The following MTRF1 variants were observed in gnomAD, a reference collection of about 807,000 sequenced individuals.
The protein encoded by MTRF1 is peptide chain release factor 1, mitochondrial.
In MTRF1, 51 loss-of-function variants were observed where a neutral mutation model predicts 62.9. That is an observed-to-expected ratio of 0.81 (90% CI 0.65 to 1.02). The LOEUF (loss-of-function observed/expected upper bound fraction) is 1.02, where lower values mean the gene tolerates loss of function less well. Among genes scored for constraint, MTRF1 ranks in the 50% least tolerant of loss-of-function variants. The pLI is 0.00. For synonymous variants in MTRF1, 158 were observed against 181.9 expected (o/e 0.87, Z 1.06); for missense variants, 446 against 530.0 (o/e 0.84, Z 1.56).
chr13:41,234,727 T>C (rs1488923822), intron 6 of MTRF1, among the ~76,000 whole-genome samples: 1 of 152,230 alleles, frequency 6.6e-6, no homozygotes, highest in Admixed American at 6.5e-5. Context: ...CCACAGTCAT[T>C]TGCAGACATG....
At chr13:41,311,595 A>G in the MTRF1 span, 2 of 1,601,912 alleles carry the variant, frequency 1.2e-6, no homozygotes, top group African/African-American at 1.3e-5. Context: ...GAGTGGCCGT[A>G]GGCCGCGCTG....
intron 6 of MTRF1, among the ~76,000 whole-genome samples, chr13:41,239,096 C>A (rs2037127155): frequency 6.6e-6 from 1 of 151,112 alleles, no homozygotes; most frequent in Non-Finnish European, 1.5e-5. Context: ...TGACAGGATC[C>A]TGGATAAAAA....
At chr13:41,217,931 T>C (rs2032240673) in intron 9 of MTRF1, among the ~76,000 whole-genome samples, 1 of 152,256 alleles carries the variant, frequency 6.6e-6, no homozygotes, top group African/African-American at 2.4e-5. Flanking sequence ...CCTGTGTAAC[T>C]GAAAAATATT....
At chr13:41,257,225 G>T (rs1349540622) in intron 2 of MTRF1, among the ~76,000 whole-genome samples, 1 of 152,174 alleles carries the variant, frequency 6.6e-6, no homozygotes, top group Non-Finnish European at 1.5e-5. Flanking sequence ...ATCTGCAGGG[G>T]CTTTTAAATA....
At chr13:41,244,632 T>C (rs954267673) in intron 5 of MTRF1, among the ~76,000 whole-genome samples, 7 of 152,172 alleles carry the variant, frequency 4.6e-5, no homozygotes. Flanking sequence ...GGTTAGATTA[T>C]AAAGAACCAT....
chr13:41,289,418 A>G, the MTRF1 span, among the ~76,000 whole-genome samples: 1 of 151,982 alleles, frequency 6.6e-6, no homozygotes, highest in Non-Finnish European at 1.5e-5. Flanking sequence ...TTGTATTTTT[A>G]GTAGAGATGG....
At chr13:41,311,248 G>T in the MTRF1 span, 42 of 522,344 alleles carry the variant, frequency 8.0e-5, no homozygotes, top group Non-Finnish European at 1.2e-4. Flanking sequence ...CTCGGGAGGC[G>T]GACCCTGGCT....
chr13:41,300,786 G>GT, the MTRF1 span, among the ~76,000 whole-genome samples: 2 of 152,160 alleles, frequency 1.3e-5, no homozygotes, highest in East Asian at 3.8e-4. Flanking sequence ...ACATTAAAAT[G>GT]ACATAAGTTA....
chr13:41,259,378 C>A (rs967930225), intron 2 of MTRF1, among the ~76,000 whole-genome samples: 5 of 152,156 alleles, frequency 3.3e-5, no homozygotes, highest in Non-Finnish European at 7.3e-5. Flanking sequence ...TATATCCATA[C>A]AATGGAATAT....
the MTRF1 span, among the ~76,000 whole-genome samples, chr13:41,307,912 A>G: frequency 6.6e-6 from 1 of 152,198 alleles, no homozygotes; most frequent in Non-Finnish European, 1.5e-5. Context: ...AGTATTTATA[A>G]CTATATATAA....
rs182707846 is a variant in MTRF1, at chr13:41,240,827, A to G, written c.698-394T>C. On this transcript the variant is annotated intron_variant, in intron 5 of 9. Coordinates refer to ENST00000379480, the MANE Select transcript of MTRF1 (RefSeq NM_004294.4). ...GGGAAAACTACTATTAGAACAAAAAAATAATACTGGGATGTTTTCTGTATT... is the reference window on the plus strand; with the variant it reads ...GGGAAAACTACTATTAGAACAAAAAGATAATACTGGGATGTTTTCTGTATT... Among the ~76,000 whole-genome samples, 234 of 152,310 alleles carry G rather than the reference A, an allele frequency of 1.5e-3. 1 individual carries two copies. Among genetic ancestry groups the G allele is most frequent in the Non-Finnish European group, 2.1e-3 (145 of 68,024 alleles).
chr13:41,219,164 G>T (rs1425039439), intron 9 of MTRF1, among the ~76,000 whole-genome samples: 1 of 149,360 alleles, frequency 6.7e-6, no homozygotes, highest in Non-Finnish European at 1.5e-5. Flanking sequence ...GGTGGTGTGT[G>T]CCTGTAGTCC....
chr13:41,301,133 A>C, the MTRF1 span, among the ~76,000 whole-genome samples: 2 of 152,226 alleles, frequency 1.3e-5, no homozygotes, highest in African/African-American at 4.8e-5. Flanking sequence ...GTAATTGAGA[A>C]GAGAAAGGAG....
At chr13:41,305,650 C>T in the MTRF1 span, among the ~76,000 whole-genome samples, 2 of 152,174 alleles carry the variant, frequency 1.3e-5, no homozygotes, top group East Asian at 1.9e-4. Flanking sequence ...TGCATTAGGG[C>T]ATTTGCCTGT....
intron 3 of MTRF1, 77 bp downstream of exon 3, chr13:41,254,452 G>A (rs765633256): frequency 1.5e-5 from 15 of 979,070 alleles, no homozygotes; most frequent in Non-Finnish European, 1.9e-5. Flanking sequence ...ACCACTATGA[G>A]CACCGAAGCA....
intron 9 of MTRF1, chr13:41,220,552 A>G (rs1222137289): frequency 7.0e-6 from 9 of 1,281,004 alleles, no homozygotes; most frequent in African/African-American, 1.5e-5. Context: ...AGAAGAAGTC[A>G]TAATGAGAAT....
Position 41,240,395 on chromosome 13 carries a change from C to T in MTRF1, c.736G>A (p.Gly246Ser), listed in dbSNP as rs150939191. Residue 246 changes from glycine (G) to serine (S), a missense_variant, in exon 6 of 10, where the codon GGT (glycine) becomes AGT (serine). Coordinates refer to ENST00000379480, the MANE Select transcript of MTRF1 (RefSeq NM_004294.4). ...TCATACTTCAAATGCTTATAGACAC[C>T]GTCACCGGAAATTCGGGCGGCTGCA... ...HHAAARISGD[G>S]VYKHLKYEGG... The T allele has an allele frequency of 5.7e-3, 9,187 of 1,613,472 alleles. 31 individuals are homozygous for T. The highest frequency in any genetic ancestry group is 7.2e-3 in the Non-Finnish European group (8,481 of 1,179,716).
the MTRF1 span, among the ~76,000 whole-genome samples, chr13:41,275,586 G>A: frequency 4.6e-5 from 7 of 151,556 alleles, no homozygotes; most frequent in East Asian, 1.9e-4. Context: ...TCTGTCTCCC[G>A]GGTTCAAATG....
intron 8 of MTRF1, among the ~76,000 whole-genome samples, chr13:41,223,922 T>A (rs531256435): frequency 6.6e-6 from 1 of 152,172 alleles, no homozygotes; most frequent in Non-Finnish European, 1.5e-5. Context: ...ATCTCCAATT[T>A]TTTTGCTCAC....
Sources: gnomAD v4.1 joint callset for allele counts (sites outside exome capture counted in the v4.1 genomes callset) on GRCh38, gnomAD v4.1.1 for gene constraint, MANE v1.5 for transcripts, NCBI Gene and HGNC (gene_info 2026-07-23, HGNC 2026-07-21) for gene names.